SEC23IP: variants seen among roughly 807,000 people sequenced by gnomAD.
The protein encoded by SEC23IP is SEC23 interacting protein.
A neutral mutation model predicts 113.4 loss-of-function variants in SEC23IP; 70 were observed. The ratio of observed to expected loss-of-function variants is 0.62; its 90% CI spans 0.51 to 0.75. The LOEUF (loss-of-function observed/expected upper bound fraction) is 0.75, where lower values mean the gene tolerates loss of function less well. Among genes scored for constraint, SEC23IP ranks in the 30% least tolerant of loss-of-function variants. SEC23IP has a pLI of 0.00. For missense variants in SEC23IP, 1,160 were observed against 1,204.9 expected, an observed-to-expected ratio of 0.96 and a Z score of 0.55; for synonymous variants, 398 against 421.0, an observed-to-expected ratio of 0.95 and a Z score of 0.67.
chr10:119,922,339 A>C (rs191529075), intron 12 of SEC23IP, among the ~76,000 whole-genome samples: 79 of 152,294 alleles, frequency 5.2e-4, no homozygotes, highest in African/African-American at 1.8e-3. Flanking sequence ...CCAAAGGCCC[A>C]GGTGGCAGGT....
At position 119,941,499 on chromosome 10, in the gene SEC23IP, T is replaced by C. The variant is rs1234261437; in HGVS notation, c.*934T>C. ...TGCTTTGTAATATTTCACTTTGTTT[T>C]ACTACAAATTCAGATCACTTTGTTT... On this transcript the variant is annotated 3_prime_UTR_variant, in exon 19 of 19. Coordinates refer to ENST00000369075, the MANE Select transcript of SEC23IP (RefSeq NM_007190.4). 2.0e-5 allele frequency: 3 copies of C among 152,516 alleles called. No individual in the cohort carries two copies. In the East Asian group the frequency reaches 5.8e-4, roughly 29 times the overall value. 9.4% of individuals were successfully genotyped at this position (152,516 alleles called of 1,614,324 possible). A position where few individuals can be genotyped will look rare whatever the true frequency, so the allele number is the denominator to read the frequency against.
intron 3 of SEC23IP, among the ~76,000 whole-genome samples, chr10:119,903,544 A>G (rs1460351951): frequency 1.3e-5 from 2 of 152,096 alleles, no homozygotes; most frequent in Non-Finnish European, 2.9e-5. Context: ...TTGTTCTGAT[A>G]AAAAAAATCC....
intron 15 of SEC23IP, among the ~76,000 whole-genome samples, chr10:119,931,234 C>T (rs932344068): frequency 7.5e-4 from 106 of 140,996 alleles, no homozygotes; most frequent in African/African-American, 2.8e-3. Context: ...GAGCCAAGAT[C>T]GTGCTACTGC....
intron 5 of SEC23IP, 128 bp downstream of exon 5, chr10:119,909,258 T>C (rs1231198026): frequency 3.2e-6 from 2 of 617,960 alleles, no homozygotes; most frequent in Non-Finnish European, 5.7e-6. Context: ...GCATTGCTTT[T>C]AAAATACTTT....
intron 17 of SEC23IP, among the ~76,000 whole-genome samples, chr10:119,933,438 T>C (rs759534152): frequency 2.0e-5 from 3 of 152,204 alleles, no homozygotes; most frequent in Non-Finnish European, 2.9e-5. Flanking sequence ...GAAATGCCAT[T>C]CTTTCCTGTA....
Position 119,933,682 on chromosome 10 carries a change from A to T in SEC23IP, c.2922-4A>T, listed in dbSNP as rs58111481. 5.1e-4 allele frequency: 757 copies of T among 1,493,680 alleles called. 4 individuals are homozygous for T. In the African/African-American group the frequency reaches 8.9e-3, roughly 18 times the overall value. The allele number at this position is 1,493,680 out of a possible 1,614,324, so 92.5% of individuals were successfully genotyped here. A position where few individuals can be genotyped will look rare whatever the true frequency, so the allele number is the denominator to read the frequency against. ...TTAAGTAAATATGCTTTTCCTTTTC[A>T]TAGGGAATCTGAAGATACTGCTCTG... On this transcript the variant is annotated splice_region_variant and splice_polypyrimidine_tract_variant and intron_variant, in intron 17 of 18. Coordinates refer to ENST00000369075, the MANE Select transcript of SEC23IP (RefSeq NM_007190.4).
chr10:119,936,694 T>A (rs1160776451), intron 18 of SEC23IP, among the ~76,000 whole-genome samples: 1 of 151,350 alleles, frequency 6.6e-6, no homozygotes, highest in East Asian at 1.9e-4. Context: ...ATTAAAAAAT[T>A]TTTTTTTGCT....
At chr10:119,897,908 G>C (rs1854330080) in intron 1 of SEC23IP, among the ~76,000 whole-genome samples, 1 of 151,670 alleles carries the variant, frequency 6.6e-6, no homozygotes, top group Non-Finnish European at 1.5e-5. Context: ...GGGAGGCTGA[G>C]GCAGGAGAAT....
chr10:119,905,784 T>C (rs1854642697), intron 4 of SEC23IP, among the ~76,000 whole-genome samples: 1 of 152,166 alleles, frequency 6.6e-6, no homozygotes, highest in South Asian at 2.1e-4. Context: ...CAAGTCCGTG[T>C]ATATAAAATT....
chr10:119,901,003 AT>A (rs1295097497), intron 2 of SEC23IP, among the ~76,000 whole-genome samples: 27 of 113,746 alleles, frequency 2.4e-4, no homozygotes, highest in African/African-American at 9.3e-4. Context: ...AAACATTAAA[AT>A]TTTTTTCTTT....
Position 119,918,464 on chromosome 10 carries a change from G to T in SEC23IP, c.1825G>T (p.Ala609Ser). 1 of 1,613,820 alleles carries T rather than the reference G, an allele frequency of 6.2e-7. No individual in the cohort carries two copies. Among genetic ancestry groups the T allele is most frequent in the Non-Finnish European group, 8.5e-7 (1 of 1,179,710 alleles). The change falls in exon 10 of 19, where the codon GCT (alanine) becomes TCT (serine). Residue 609 changes from alanine (A) to serine (S), a missense_variant. Physicochemically the swap from Ala to Ser is moderately conservative, Grantham distance 99. Coordinates refer to ENST00000369075, the MANE Select transcript of SEC23IP (RefSeq NM_007190.4). Reference sequence around the variant, plus strand: ...TTTATCAAAGTGCCCTGGACCTCTTGCTGTTGCTAATGGAGTTGTGAAGCA... The same window carrying T: ...TTTATCAAAGTGCCCTGGACCTCTTTCTGTTGCTAATGGAGTTGTGAAGCA... ...LNLSKCPGPL[A>S]VANGVVKQLH... is the part of the protein sequence containing the mutation.
At chr10:119,922,123 G>A (rs370797242) in intron 12 of SEC23IP, among the ~76,000 whole-genome samples, 12 of 152,236 alleles carry the variant, frequency 7.9e-5, no homozygotes, top group Non-Finnish European at 1.6e-4. Context: ...CCATAATAGC[G>A]TGCTGTGTGT....
intron 4 of SEC23IP, among the ~76,000 whole-genome samples, chr10:119,907,735 G>GAGGTC (rs1854723891): frequency 6.6e-6 from 1 of 152,210 alleles, no homozygotes; most frequent in Non-Finnish European, 1.5e-5. Context: ...CGGATCATCT[G>GAGGTC]AGGTCAGGAG....
chr10:119,918,514 A>G lies in SEC23IP; in HGVS notation c.1872+3A>G, dbSNP rs776526593. Reference sequence around the variant, plus strand: ...AGCTACATTTTCAGGAAAAGCAGGTACGTCTGTACGTGGCCAATTAACATT... The same window carrying G: ...AGCTACATTTTCAGGAAAAGCAGGTGCGTCTGTACGTGGCCAATTAACATT... On this transcript the variant is annotated splice_donor_region_variant and intron_variant, in intron 10 of 18. Transcript: ENST00000369075. The G allele has an allele frequency of 1.4e-5, 21 of 1,533,004 alleles. No homozygotes were observed. In the South Asian group the frequency reaches 2.4e-4, roughly 17 times the overall value. The allele number at this position is 1,533,004 out of a possible 1,614,324, so 95.0% of individuals were successfully genotyped here.
chr10:119,910,868 A>G (rs1854834602), intron 5 of SEC23IP, among the ~76,000 whole-genome samples: 1 of 151,866 alleles, frequency 6.6e-6, no homozygotes. Flanking sequence ...TTTTTTTTGC[A>G]GAGATGGGGT....
chr10:119,899,650 T>G (rs1184515558), intron 2 of SEC23IP, among the ~76,000 whole-genome samples: 1 of 152,214 alleles, frequency 6.6e-6, no homozygotes, highest in Non-Finnish European at 1.5e-5. Flanking sequence ...ATCATTTCAT[T>G]TAAATCATAC....
rs780636062 is a variant in SEC23IP, at chr10:119,902,827, A to G, written c.725A>G (p.Gln242Arg). The change falls in exon 3 of 19, where the codon CAG becomes CGG. Residue 242 changes from glutamine (Q) to arginine (R), a missense_variant. Physicochemically the swap from Gln to Arg is conservative, Grantham distance 43. Coordinates refer to ENST00000369075, the MANE Select transcript of SEC23IP (RefSeq NM_007190.4). ...CCTTCTTCAGTGCAGTCACCGGCACAGCAGCAGGTACCTGCCAGACCTGGG... is the reference window on the plus strand; with the variant it reads ...CCTTCTTCAGTGCAGTCACCGGCACGGCAGCAGGTACCTGCCAGACCTGGG... Reference protein sequence around the residue: ...PVPSSVQSPAQQQVPARPGAP... With the variant: ...PVPSSVQSPARQQVPARPGAP... The G allele has an allele frequency of 6.2e-7, 1 of 1,614,200 alleles. No individual in the cohort carries two copies. The highest frequency in any genetic ancestry group is 1.1e-5 in the South Asian group (1 of 91,082).
At position 119,933,012 on chromosome 10, in the gene SEC23IP, GGTT is replaced by G. The variant is rs1264138842; in HGVS notation, c.2771_2773del (p.Val924del). 1.9e-6 allele frequency: 3 copies of G among 1,612,926 alleles called. No individual in the cohort carries two copies. The South Asian group carries it at 3.3e-5, about 18-fold the overall frequency. On this transcript the variant is annotated inframe_deletion, in exon 17 of 19. Transcript: ENST00000369075. Reference sequence around the variant, plus strand: ...AAATGGTTTAAATTCTAGCAGAAAAGGTTGTTGAAAGTCCAGATTTTTCCAAGG... The same window carrying G: ...AAATGGTTTAAATTCTAGCAGAAAAGGTTGAAAGTCCAGATTTTTCCAAGG...
rs1200693570 is a variant in SEC23IP at position 119,919,325 on chromosome 10, G to A, written c.1873-119G>A. The A allele has an allele frequency of 6.5e-6, 6 of 917,012 alleles. No individual in the cohort carries two copies. The African/African-American group carries it at 6.7e-5, about 10-fold the overall frequency. The allele number at this position is 917,012 out of a possible 1,614,324, so 56.8% of individuals were successfully genotyped here. On this transcript the variant is annotated intron_variant, in intron 10 of 18. Coordinates refer to ENST00000369075, the MANE Select transcript of SEC23IP (RefSeq NM_007190.4). ...TTCAAACTTTGAATGGCAAAGTACTGTGCCTAAAATTATGATTTCTGTGTA... is the reference window on the plus strand; with the variant it reads ...TTCAAACTTTGAATGGCAAAGTACTATGCCTAAAATTATGATTTCTGTGTA...
Sources: gnomAD v4.1 joint callset for allele counts (sites outside exome capture counted in the v4.1 genomes callset) on GRCh38, gnomAD v4.1.1 for gene constraint, MANE v1.5 for transcripts, NCBI Gene and HGNC (gene_info 2026-07-23, HGNC 2026-07-21) for gene names.